The following ARHGAP12 variants were observed in gnomAD, a reference collection of about 807,000 sequenced individuals.
The protein encoded by ARHGAP12 is rho GTPase-activating protein 12.
In ARHGAP12, 64 loss-of-function variants were observed where a neutral mutation model predicts 108.6. That is an observed-to-expected ratio of 0.59 (90% CI 0.48 to 0.73). ARHGAP12 has a LOEUF of 0.73. Among genes scored for constraint, ARHGAP12 ranks in the 30% least tolerant of loss-of-function variants. The pLI, the probability that ARHGAP12 is intolerant of heterozygous loss-of-function variation, is 0.00. For missense variants in ARHGAP12, 940 were observed against 1,005.9 expected, an observed-to-expected ratio of 0.93 and a Z score of 0.89; for synonymous variants, 312 against 337.2, an observed-to-expected ratio of 0.93 and a Z score of 0.82.
Position 31,812,749 on chromosome 10 carries a change from G to T in ARHGAP12, c.1909C>A (p.Arg637Ser). The change falls in exon 15 of 20, where the codon CGC becomes AGC. Residue 637 changes from arginine to serine, a missense_variant. Arg to Ser is a moderately radical substitution (Grantham distance 110). Transcript: ENST00000344936. ...TCACGAACAGCTTGCAAAGTGGGGCGTCGTGTAAGAAACTTCTTTAAGTTT... is the reference window on the plus strand; with the variant it reads ...TCACGAACAGCTTGCAAAGTGGGGCTTCGTGTAAGAAACTTCTTTAAGTTT... Reference protein sequence around the residue: ...KKNLKKFLTRRPTLQAVREKG... With the variant: ...KKNLKKFLTRSPTLQAVREKG... 6.2e-7 allele frequency: 1 copy of T among 1,608,410 alleles called. No individual in the cohort carries two copies.
intron 3 of ARHGAP12, among the ~76,000 whole-genome samples, chr10:31,889,820 G>A (rs556951878): frequency 6.6e-6 from 1 of 151,624 alleles, no homozygotes; most frequent in Non-Finnish European, 1.5e-5. Context: ...CTGGCCTCAA[G>A]TGATCTGCCC....
At chr10:31,825,943 T>C (rs1223150164) in intron 11 of ARHGAP12, among the ~76,000 whole-genome samples, 2 of 152,156 alleles carry the variant, frequency 1.3e-5, no homozygotes, top group Non-Finnish European at 2.9e-5. Context: ...CTTGCCACAT[T>C]ACTGCTTATT....
intron 10 of ARHGAP12, among the ~76,000 whole-genome samples, chr10:31,827,543 G>A (rs930154730): frequency 6.6e-6 from 1 of 152,156 alleles, no homozygotes; most frequent in African/African-American, 2.4e-5. Flanking sequence ...TGTAATCCCA[G>A]CACTTTGGGA....
chr10:31,836,203 A>C (rs1836009301), intron 9 of ARHGAP12, among the ~76,000 whole-genome samples: 1 of 152,186 alleles, frequency 6.6e-6, no homozygotes, highest in African/African-American at 2.4e-5. Context: ...TTAATACCAT[A>C]AGTGGACATA....
intron 1 of ARHGAP12, among the ~76,000 whole-genome samples, chr10:31,925,272 TG>T (rs1839984005): frequency 6.6e-6 from 1 of 152,204 alleles, no homozygotes; most frequent in South Asian, 2.1e-4. Context: ...GCAGTACAAG[TG>T]ATTAATAATC....
intron 3 of ARHGAP12, among the ~76,000 whole-genome samples, chr10:31,886,347 T>C (rs1838188667): frequency 6.6e-6 from 1 of 152,228 alleles, no homozygotes; most frequent in Admixed American, 6.5e-5. Flanking sequence ...CCTACAATTA[T>C]ACTACAATTA....
At chr10:31,828,205 G>T (rs1835693511) in intron 10 of ARHGAP12, among the ~76,000 whole-genome samples, 1 of 126,056 alleles carries the variant, frequency 7.9e-6, no homozygotes, top group African/African-American at 3.2e-5. Context: ...CTATACCTTT[G>T]ACACACCTTA....
At chr10:31,884,496 T>C (rs1248035783) in intron 3 of ARHGAP12, among the ~76,000 whole-genome samples, 1 of 152,206 alleles carries the variant, frequency 6.6e-6, no homozygotes, top group African/African-American at 2.4e-5. Context: ...TTTCATATTA[T>C]TGTGAACATT....
chr10:31,863,963 T>C (rs1057484084), intron 3 of ARHGAP12, among the ~76,000 whole-genome samples: 4 of 152,136 alleles, frequency 2.6e-5, no homozygotes, highest in Non-Finnish European at 2.9e-5. Flanking sequence ...AAAATTGAAG[T>C]ATATTATGGT....
chr10:31,854,019 T>G, intron 5 of ARHGAP12, 47 bp downstream of exon 5: 6 of 1,565,964 alleles, frequency 3.8e-6, no homozygotes, highest in African/African-American at 1.4e-5. Context: ...AACTATTTTA[T>G]GAGAGAATTC....
At chr10:31,890,203 A>C (rs374174680) in intron 3 of ARHGAP12, among the ~76,000 whole-genome samples, 144 of 152,286 alleles carry the variant, frequency 9.5e-4, no homozygotes, top group African/African-American at 3.0e-3. Flanking sequence ...GGCAGATCCA[A>C]AATCTGAAAA....
At chr10:31,928,174 GCACACACACA>G (rs60633813) in intron 1 of ARHGAP12, among the ~76,000 whole-genome samples, 31 of 149,296 alleles carry the variant, frequency 2.1e-4, no homozygotes, top group East Asian at 4.0e-4. Context: ...GGCCTTTTGC[GCACACACACA>G]CACACACACA....
In ARHGAP12 at chr10:31,809,134, A is replaced by C. The variant is rs1674721042; in HGVS notation, c.2129-6T>G. ...ATTCAAGTCCAATTTCTCATCTGAAAAACAGCAGGAATTGGACATTTTAAA... is the reference window on the plus strand; with the variant it reads ...ATTCAAGTCCAATTTCTCATCTGAACAACAGCAGGAATTGGACATTTTAAA... On this transcript the variant is annotated splice_polypyrimidine_tract_variant and splice_region_variant and intron_variant, in intron 17 of 19. Transcript: ENST00000344936. 6.2e-7 allele frequency: 1 copy of C among 1,613,134 alleles called. No individual in the cohort carries two copies. The highest frequency in any genetic ancestry group is 1.7e-5 in the Admixed American group (1 of 59,880).
chr10:31,889,999 C>T (rs762318886), intron 3 of ARHGAP12, among the ~76,000 whole-genome samples: 3 of 152,142 alleles, frequency 2.0e-5, no homozygotes, highest in Non-Finnish European at 4.4e-5. Flanking sequence ...ATCTCCAACA[C>T]TGCCTGTATA....
intron 1 of ARHGAP12, among the ~76,000 whole-genome samples, chr10:31,918,242 T>C (rs902045521): frequency 1.3e-5 from 2 of 151,504 alleles, no homozygotes; most frequent in African/African-American, 4.9e-5. Context: ...CCATCATAAA[T>C]TAAGGAGCAT....
chr10:31,828,970 G>A (rs562899800), intron 10 of ARHGAP12, among the ~76,000 whole-genome samples: 5 of 152,220 alleles, frequency 3.3e-5, no homozygotes, highest in African/African-American at 1.2e-4. Context: ...TGGTCAAAAT[G>A]GTGAAACCCC....
chr10:31,872,013 C>G (rs1157700410), intron 3 of ARHGAP12, among the ~76,000 whole-genome samples: 1 of 152,172 alleles, frequency 6.6e-6, no homozygotes, highest in Non-Finnish European at 1.5e-5. Flanking sequence ...ATAGTACTTA[C>G]GACACTAAAC....
At chr10:31,853,497 T>C (rs1309781804) in intron 5 of ARHGAP12, among the ~76,000 whole-genome samples, 1 of 152,198 alleles carries the variant, frequency 6.6e-6, no homozygotes, top group Non-Finnish European at 1.5e-5. Flanking sequence ...TAATGTCAAA[T>C]AATTGAGGCA....
At chr10:31,870,385 C>G (rs916956354) in intron 3 of ARHGAP12, among the ~76,000 whole-genome samples, 1 of 152,034 alleles carries the variant, frequency 6.6e-6, no homozygotes, top group Non-Finnish European at 1.5e-5. Flanking sequence ...CATGCGCCAC[C>G]CCACCCAGCT....
Sources: gnomAD v4.1 joint callset for allele counts (sites outside exome capture counted in the v4.1 genomes callset) on GRCh38, gnomAD v4.1.1 for gene constraint, MANE v1.5 for transcripts, NCBI Gene and HGNC (gene_info 2026-07-23, HGNC 2026-07-21) for gene names.